The following ADCY8 variants were observed in gnomAD, a reference collection of about 807,000 sequenced individuals.
ADCY8 encodes the protein adenylate cyclase 8.
A neutral mutation model predicts 119.7 loss-of-function variants in ADCY8; 51 were observed. That is an observed-to-expected ratio of 0.43 (90% CI 0.34 to 0.54). The LOEUF is 0.54. ADCY8 is among the 20% of genes least tolerant of loss of function. The probability of loss-of-function intolerance (pLI) is 0.03; values close to 1 mark genes in which losing one functional copy is unlikely to be tolerated. For missense variants in ADCY8, 1,383 were observed against 1,598.8 expected (o/e 0.87, Z 2.30); for synonymous variants, 665 against 651.0 (o/e 1.02, Z -0.33).
At chr8:130,876,747 A>G (rs1003191853) in intron 8 of ADCY8, among the ~76,000 whole-genome samples, 8 of 152,120 alleles carry the variant, frequency 5.3e-5, no homozygotes, top group Non-Finnish European at 1.2e-4. Context: ...AGGATAAAAG[A>G]AATGTTCATG....
intron 11 of ADCY8, among the ~76,000 whole-genome samples, chr8:130,837,798 T>C (rs1437057361): frequency 6.6e-6 from 1 of 152,226 alleles, no homozygotes; most frequent in Non-Finnish European, 1.5e-5. Flanking sequence ...ACTTGTAACA[T>C]TCAAAGTAAC....
intron 6 of ADCY8, among the ~76,000 whole-genome samples, chr8:130,904,393 T>C (rs1241186092): frequency 3.9e-5 from 6 of 152,144 alleles, no homozygotes; most frequent in African/African-American, 7.2e-5. Context: ...GTTGATTATA[T>C]TGGAAAAACA....
chr8:130,854,179 C>T (rs114223058), intron 9 of ADCY8, among the ~76,000 whole-genome samples: 2,860 of 152,292 alleles, frequency 0.019, 46 homozygotes, highest in Middle Eastern at 0.037. Context: ...TCAGATTGTA[C>T]ATTTTATCTA....
At chr8:130,802,595 C>T (rs1302445591) in intron 14 of ADCY8, among the ~76,000 whole-genome samples, 1 of 152,214 alleles carries the variant, frequency 6.6e-6, no homozygotes, top group Non-Finnish European at 1.5e-5. Flanking sequence ...CTGCCTCCAC[C>T]TATCTCTTCA....
chr8:130,891,070 T>C (rs553312032), intron 7 of ADCY8, among the ~76,000 whole-genome samples: 3 of 152,280 alleles, frequency 2.0e-5, no homozygotes, highest in South Asian at 2.1e-4. Flanking sequence ...AGTTTCAGGC[T>C]GGAATCTTCA....
intron 14 of ADCY8, among the ~76,000 whole-genome samples, chr8:130,804,326 G>A (rs150832668): frequency 3.3e-5 from 5 of 152,296 alleles, no homozygotes; most frequent in African/African-American, 1.2e-4. Context: ...TGTCTTCCCT[G>A]TGTCTTCACT....
Position 130,839,803 on chromosome 8 carries a change from T to TA in ADCY8, c.2503-3355dup, listed in dbSNP as rs1388830537. Among the ~76,000 whole-genome samples, 8 of 140,178 alleles carry TA rather than the reference T, an allele frequency of 5.7e-5. 3 individuals carry two copies. The highest frequency in any genetic ancestry group is 1.3e-4 in the Non-Finnish European group (8 of 61,994). The allele number at this position is 140,178 out of a possible 152,430, so 92.0% of individuals were successfully genotyped here. A position where few individuals can be genotyped will look rare whatever the true frequency, so the allele number is the denominator to read the frequency against. On this transcript the variant is annotated intron_variant, in intron 11 of 17. Transcript: ENST00000286355. ...AGAGTTAAGGGGCAAAACCACACTG[T>TA]AAAAAATCCTCTAGTATGGAAATCT...
At position 130,790,865 on chromosome 8, in the gene ADCY8, G is replaced by A. The variant is rs181090648; in HGVS notation, c.3061-5390C>T. On this transcript the variant is annotated intron_variant, in intron 15 of 17. Transcript: ENST00000286355. ...TCCATGGGCCAGCCCTTCAAGTGACGGTACTCAGAAGTGGTTCTTACATCT... is the reference window on the plus strand; with the variant it reads ...TCCATGGGCCAGCCCTTCAAGTGACAGTACTCAGAAGTGGTTCTTACATCT... Among the ~76,000 whole-genome samples, 222 of 152,200 alleles carry A rather than the reference G, an allele frequency of 1.5e-3. 1 individual carries two copies. The highest frequency in any genetic ancestry group is 3.4e-3 in the Middle Eastern group (1 of 294).
chr8:130,937,973 C>G (rs1820838776), intron 4 of ADCY8, among the ~76,000 whole-genome samples: 1 of 152,080 alleles, frequency 6.6e-6, no homozygotes, highest in Non-Finnish European at 1.5e-5. Flanking sequence ...AGACACAACT[C>G]TTACAAAATT....
chr8:130,780,674 T>C lies in ADCY8; in HGVS notation c.3472A>G (p.Ile1158Val). 1 of 1,614,202 alleles carries C rather than the reference T, an allele frequency of 6.2e-7. No individual in the cohort carries two copies. The highest frequency in any genetic ancestry group is 8.5e-7 in the Non-Finnish European group (1 of 1,180,024). Residue 1158 changes from isoleucine (I) to valine (V), a missense_variant, in exon 18 of 18, where the codon ATC becomes GTC. Coordinates refer to ENST00000286355, the MANE Select transcript of ADCY8 (RefSeq NM_001115.3). ...TTGATTTTTCCTTCCTGTTCACTGATACCCTTCACATAGATCTCCCCTCGG... is the reference window on the plus strand; with the variant it reads ...TTGATTTTTCCTTCCTGTTCACTGACACCCTTCACATAGATCTCCCCTCGG... ...DYRGEIYVKG[I>V]SEQEGKIKTY...
chr8:130,791,743 G>A (rs58329344), intron 15 of ADCY8, among the ~76,000 whole-genome samples: 2,407 of 152,246 alleles, frequency 0.016, 67 homozygotes, highest in African/African-American at 0.054. Context: ...TCCAGGTGTG[G>A]GGAGGAACTC....
chr8:130,869,945 T>C (rs546579669), intron 8 of ADCY8, among the ~76,000 whole-genome samples: 1 of 117,636 alleles, frequency 8.5e-6, no homozygotes, highest in Non-Finnish European at 1.8e-5. Context: ...CCTCCTCTTC[T>C]TCTTCTTCTT....
In ADCY8 at chr8:130,835,488, C is replaced by T. The variant is rs184533758; in HGVS notation, c.2675+789G>A. 2.0e-5 allele frequency among the ~76,000 whole-genome samples: 3 copies of T among 152,320 alleles called. No individual in the cohort carries two copies. The East Asian group carries it at 5.8e-4, about 29-fold the overall frequency. On this transcript the variant is annotated intron_variant, in intron 12 of 17. Coordinates refer to ENST00000286355, the MANE Select transcript of ADCY8 (RefSeq NM_001115.3). The stretch of plus-strand genomic sequence containing the variant: ...TGGTAGCTTGCATTCGCCTCTCATC[C>T]TTTTCTTCCTCACTTCTCTTTTCCC...
At chr8:130,834,579 C>A (rs61261442) in intron 12 of ADCY8, among the ~76,000 whole-genome samples, 19,255 of 152,110 alleles carry the variant, frequency 0.13, 1,695 homozygotes, top group African/African-American at 0.25. Context: ...GTAATTAAAG[C>A]ATTTTTTATA....
intron 7 of ADCY8, among the ~76,000 whole-genome samples, chr8:130,886,301 CT>C (rs1418365728): frequency 6.6e-6 from 1 of 152,040 alleles, no homozygotes; most frequent in Non-Finnish European, 1.5e-5. Context: ...GTAATTTCAG[CT>C]CTGAGTACCA....
chr8:130,782,139 G>C (rs901300849), intron 17 of ADCY8, among the ~76,000 whole-genome samples: 6 of 152,092 alleles, frequency 3.9e-5, no homozygotes, highest in Admixed American at 2.0e-4. Context: ...AATATGGTGG[G>C]AATAGCCATG....
chr8:130,860,304 C>A (rs1025689837), intron 9 of ADCY8, among the ~76,000 whole-genome samples: 2 of 152,082 alleles, frequency 1.3e-5, no homozygotes, highest in African/African-American at 2.4e-5. Flanking sequence ...GGGTGGAAAT[C>A]TTTTCCCAGA....
chr8:130,864,673 G>T (rs1818053634), intron 9 of ADCY8, among the ~76,000 whole-genome samples: 1 of 152,016 alleles, frequency 6.6e-6, no homozygotes, highest in African/African-American at 2.4e-5. Context: ...CATTATTTCT[G>T]TTAGGTGTTT....
chr8:131,036,936 T>C (rs980706625), intron 1 of ADCY8, among the ~76,000 whole-genome samples: 13 of 152,330 alleles, frequency 8.5e-5, no homozygotes, highest in Middle Eastern at 3.4e-3. Flanking sequence ...CGAGTTGCTA[T>C]AAGAAGTGTT....
Sources: allele counts gnomAD v4.1 joint callset (sites outside exome capture counted in the v4.1 genomes callset), GRCh38; gene constraint gnomAD v4.1.1; transcripts MANE v1.5; gene names NCBI Gene and HGNC (gene_info 2026-07-23, HGNC 2026-07-21).